WWP2: variants seen among roughly 807,000 people sequenced by gnomAD.
The protein encoded by WWP2 is WW domain containing E3 ubiquitin protein ligase 2, also known as NEDD4-like E3 ubiquitin-protein ligase WWP2.
A neutral mutation model predicts 121.0 loss-of-function variants in WWP2; 57 were observed. That is an observed-to-expected ratio of 0.47 (90% CI 0.38 to 0.59). The LOEUF is 0.59. Ranked by LOEUF, WWP2 falls within the 20% of genes least tolerant of loss-of-function variation. The pLI is 0.00. For missense variants in WWP2, 962 were observed against 1,158.9 expected (o/e 0.83, Z 2.47); for synonymous variants, 449 against 441.3 (o/e 1.02, Z -0.22).
intron 2 of WWP2, among the ~76,000 whole-genome samples, chr16:69,797,396 G>A (rs142418591): frequency 2.0e-5 from 3 of 152,240 alleles, no homozygotes; most frequent in African/African-American, 4.8e-5. Flanking sequence ...AGTCTGGCTT[G>A]TAGCTCCCTG....
intron 6 of WWP2, among the ~76,000 whole-genome samples, chr16:69,863,798 A>G (rs939880726): frequency 1.3e-5 from 2 of 152,178 alleles, no homozygotes; most frequent in East Asian, 3.8e-4. Context: ...CTTCTTGAAT[A>G]TCTTAAAAAT....
intron 2 of WWP2, among the ~76,000 whole-genome samples, chr16:69,788,720 C>T (rs1286494615): frequency 6.6e-6 from 1 of 152,078 alleles, no homozygotes; most frequent in Non-Finnish European, 1.5e-5. Flanking sequence ...TAATTTATTT[C>T]ATTTGTTGAC....
chr16:69,938,522 T>G (rs1389265103), intron 21 of WWP2, among the ~76,000 whole-genome samples: 1 of 152,168 alleles, frequency 6.6e-6, no homozygotes, highest in African/African-American at 2.4e-5. Context: ...GGGAAGCTGA[T>G]GCATGAGAAT....
chr16:69,853,760 T>C (rs2057261121), intron 6 of WWP2, among the ~76,000 whole-genome samples: 1 of 152,184 alleles, frequency 6.6e-6, no homozygotes, highest in Admixed American at 6.5e-5. Flanking sequence ...ACTGCATGGC[T>C]GGCTAATGAG....
At chr16:69,823,960 CCCTAAATGAACA>C (rs1441277465) in intron 4 of WWP2, among the ~76,000 whole-genome samples, 1 of 152,190 alleles carries the variant, frequency 6.6e-6, no homozygotes, top group African/African-American at 2.4e-5. Flanking sequence ...AGCATTCAGG[CCCTAAATGAACA>C]CCTGCTGCAG....
At chr16:69,776,844 A>T (rs1028181678) in intron 1 of WWP2, among the ~76,000 whole-genome samples, 1 of 151,826 alleles carries the variant, frequency 6.6e-6, no homozygotes, top group African/African-American at 2.4e-5. Flanking sequence ...AAAAAAAATA[A>T]AAAAAATTAT....
In WWP2 at chr16:69,860,184, G is replaced by A. The variant is rs192257869; in HGVS notation, c.576-11620G>A. On this transcript the variant is annotated intron_variant, in intron 6 of 23. Coordinates refer to ENST00000359154, the MANE Select transcript of WWP2 (RefSeq NM_001270454.2). Reference sequence around the variant, plus strand: ...ATCAAAAAAATTAGCCAGGCGTGGTGGTCCGATTCCATTCTTTAAAGGAGT... The same window carrying A: ...ATCAAAAAAATTAGCCAGGCGTGGTAGTCCGATTCCATTCTTTAAAGGAGT... Among the ~76,000 whole-genome samples, 94 of 152,192 alleles carry A rather than the reference G, an allele frequency of 6.2e-4. 1 individual carries two copies. Among genetic ancestry groups the A allele is most frequent in the Admixed American group, 1.7e-3 (26 of 15,264 alleles).
chr16:69,852,043 A>G (rs573261660), intron 6 of WWP2, among the ~76,000 whole-genome samples: 2 of 151,314 alleles, frequency 1.3e-5, no homozygotes, highest in African/African-American at 4.8e-5. Flanking sequence ...ATACAAAGGA[A>G]CATGATTGCT....
At chr16:69,863,566 T>G (rs7200258) in intron 6 of WWP2, among the ~76,000 whole-genome samples, 92,795 of 151,992 alleles carry the variant, frequency 0.61, 30,109 homozygotes, top group East Asian at 0.9. Flanking sequence ...TTGAACCTGG[T>G]GGGGGCAGAG....
At chr16:69,924,651 T>C (rs2058611754) in intron 10 of WWP2, among the ~76,000 whole-genome samples, 1 of 151,226 alleles carries the variant, frequency 6.6e-6, no homozygotes, top group Non-Finnish European at 1.5e-5. Context: ...CCCCCTTCTT[T>C]CCCCTGTCTC....
intron 4 of WWP2, among the ~76,000 whole-genome samples, chr16:69,821,687 G>A (rs1164911326): frequency 1.3e-5 from 2 of 151,532 alleles, no homozygotes; most frequent in Admixed American, 6.6e-5. Context: ...GCAGTAGGTG[G>A]CCAAGACATT....
rs746697942 is a variant in WWP2, at chr16:69,799,326, T to G, written c.340+31T>G. 1 of 1,605,062 alleles carries G rather than the reference T, an allele frequency of 6.2e-7. No individual in the cohort carries two copies. The highest frequency in any genetic ancestry group is 2.2e-5 in the East Asian group (1 of 44,728). On this transcript the variant is annotated intron_variant, in intron 4 of 23. Transcript: ENST00000359154. This position sits in a 1 kb window ranked among gnomAD's most constrained non-coding sequence, Gnocchi z 4.5. ...TATGATGAAGGGGGTGCCGACGTGA[T>G]TCTTGGGTGGGGATGGGAGGACCTG...
At chr16:69,802,825 G>A (rs1418794366) in intron 4 of WWP2, among the ~76,000 whole-genome samples, 3 of 151,772 alleles carry the variant, frequency 2.0e-5, no homozygotes, top group South Asian at 2.1e-4. Context: ...GGCTGGTCTC[G>A]AACTCCTGAC....
intron 4 of WWP2, among the ~76,000 whole-genome samples, chr16:69,834,603 T>C (rs2056844252): frequency 6.6e-6 from 1 of 151,596 alleles, no homozygotes; most frequent in African/African-American, 2.4e-5. Context: ...CTCGGCTCAC[T>C]GCAACTTCTG....
chr16:69,832,292 C>T (rs893807865), intron 4 of WWP2, among the ~76,000 whole-genome samples: 1 of 152,048 alleles, frequency 6.6e-6, no homozygotes, highest in African/African-American at 2.4e-5. Context: ...CTATGACGGG[C>T]CATTCCTGTC....
Position 69,788,628 on chromosome 16 carries a change from C to T in WWP2, c.70+1548C>T, listed in dbSNP as rs375725178. On this transcript the variant is annotated intron_variant, in intron 2 of 23. Transcript: ENST00000359154. ...CCCTCTTCCTGATCCCCTGATCCAA[C>T]GCCACCTTTCTCATTGACTTCATCA... Among the ~76,000 whole-genome samples the T allele has an allele frequency of 9.5e-4, 144 of 152,344 alleles. 2 individuals carry two copies. The South Asian group carries it at 0.027, about 29-fold the overall frequency.
At chr16:69,823,509 G>A (rs2056629845) in intron 4 of WWP2, among the ~76,000 whole-genome samples, 1 of 141,166 alleles carries the variant, frequency 7.1e-6, no homozygotes, top group East Asian at 2.1e-4. Context: ...TTGCTTTCTT[G>A]CCCAGGCTGG....
intron 10 of WWP2, among the ~76,000 whole-genome samples, chr16:69,918,784 C>T (rs1387530229): frequency 3.9e-5 from 6 of 151,998 alleles, no homozygotes; most frequent in Non-Finnish European, 7.4e-5. Context: ...TTTACTGGCT[C>T]AAAACCTTTT....
intron 7 of WWP2, among the ~76,000 whole-genome samples, chr16:69,886,554 G>T (rs997276559): frequency 2.6e-5 from 4 of 152,142 alleles, no homozygotes; most frequent in Admixed American, 6.5e-5. Flanking sequence ...GAGGCCAGGA[G>T]TTCGAGACCA....
Sources: gnomAD v4.1 joint callset for allele counts (sites outside exome capture counted in the v4.1 genomes callset) on GRCh38, gnomAD v4.1.1 for gene constraint, Gnocchi (gnomAD v3.1) non-coding constraint, MANE v1.5 for transcripts, NCBI Gene and HGNC (gene_info 2026-07-23, HGNC 2026-07-21) for gene names.